The following GRM1 variants were observed in gnomAD, a reference collection of about 807,000 sequenced individuals.
GRM1 encodes glutamate metabotropic receptor 1, also known as metabotropic glutamate receptor 1.
GRM1 carries 33 observed loss-of-function variants against 90.9 expected under a neutral mutation model. The observed-to-expected ratio is 0.36, with a 90% CI of 0.28 to 0.49. The LOEUF is 0.49. Among genes scored for constraint, GRM1 ranks in the 20% least tolerant of loss-of-function variants. GRM1 has a pLI of 0.99. For synonymous variants in GRM1, 700 were observed against 613.2 expected, an observed-to-expected ratio of 1.14 and a Z score of -2.09; for missense variants, 1,190 against 1,534.3, an observed-to-expected ratio of 0.78 and a Z score of 3.75.
intron 1 of GRM1, among the ~76,000 whole-genome samples, chr6:146,124,006 G>C (rs1426689621): frequency 6.6e-6 from 1 of 152,098 alleles, no homozygotes; most frequent in Non-Finnish European, 1.5e-5. Context: ...CAGCATAGTC[G>C]AGTTTACAAA....
intron 2 of GRM1, among the ~76,000 whole-genome samples, chr6:146,263,253 G>A (rs904526749): frequency 2.0e-5 from 3 of 151,858 alleles, no homozygotes; most frequent in Non-Finnish European, 2.9e-5. Context: ...TTTTGTTACA[G>A]CCATAAAAAC....
At chr6:146,077,524 T>C (rs1331644) in intron 1 of GRM1, among the ~76,000 whole-genome samples, 57,954 of 151,986 alleles carry the variant, frequency 0.38, 11,627 homozygotes, top group Middle Eastern at 0.51. Flanking sequence ...CAGAGTGGTG[T>C]GGTAGAACAA....
chr6:146,357,159 G>A (rs1785615475), intron 4 of GRM1, among the ~76,000 whole-genome samples: 1 of 139,822 alleles, frequency 7.2e-6, no homozygotes, highest in South Asian at 2.4e-4. Context: ...AAAGAAATTT[G>A]GATTAATCAA....
intron 1 of GRM1, among the ~76,000 whole-genome samples, chr6:146,141,291 T>C (rs59542006): frequency 0.053 from 8,049 of 151,996 alleles, 705 homozygotes; most frequent in African/African-American, 0.18. Flanking sequence ...TTTTTTTTTT[T>C]TCTCTTGCTG....
At chr6:146,383,630 TG>T (rs759973178) in intron 5 of GRM1, among the ~76,000 whole-genome samples, 115 of 152,250 alleles carry the variant, frequency 7.6e-4, no homozygotes, top group Non-Finnish European at 5.1e-4. Flanking sequence ...CTTATACACT[TG>T]CTGAAAATAT....
intron 2 of GRM1, among the ~76,000 whole-genome samples, chr6:146,217,895 C>G (rs574879348): frequency 1.3e-5 from 2 of 152,240 alleles, no homozygotes; most frequent in African/African-American, 4.8e-5. Context: ...TGTTGTAAGG[C>G]AGATAGGCTG....
intron 1 of GRM1, among the ~76,000 whole-genome samples, chr6:146,099,214 C>T (rs1291312618): frequency 6.6e-6 from 1 of 152,116 alleles, no homozygotes; most frequent in Non-Finnish European, 1.5e-5. Context: ...CAGCAAAACC[C>T]TGTCTCTAGA....
At chr6:146,259,573 C>T (rs1781606010) in intron 2 of GRM1, among the ~76,000 whole-genome samples, 1 of 152,122 alleles carries the variant, frequency 6.6e-6, no homozygotes, top group Non-Finnish European at 1.5e-5. Context: ...TCTGTGATGG[C>T]TTATCTCACT....
At chr6:146,282,914 C>A (rs1490797749) in intron 2 of GRM1, among the ~76,000 whole-genome samples, 3 of 152,152 alleles carry the variant, frequency 2.0e-5, no homozygotes, top group African/African-American at 7.2e-5. Flanking sequence ...AGAAATATTG[C>A]ATAATCCCTG....
chr6:146,178,071 A>T (rs1778398361), intron 2 of GRM1, among the ~76,000 whole-genome samples: 1 of 152,174 alleles, frequency 6.6e-6, no homozygotes, highest in African/African-American at 2.4e-5. Context: ...TTATAACAAA[A>T]GTCTATGTTT....
intron 2 of GRM1, among the ~76,000 whole-genome samples, chr6:146,230,870 C>T (rs755271041): frequency 6.6e-6 from 1 of 151,948 alleles, no homozygotes; most frequent in African/African-American, 2.4e-5. Context: ...ATGAAGGAAA[C>T]GTAAGTGCAT....
Position 146,246,075 on chromosome 6 carries a change from A to G in GRM1, c.951-58536A>G, listed in dbSNP as rs116207011. On this transcript the variant is annotated intron_variant, in intron 2 of 7. Coordinates refer to ENST00000282753, the MANE Select transcript of GRM1 (RefSeq NM_001278064.2). ...TTAAATTCTACAAATATTAGAGTCA[A>G]CAACAACAAATGAACAGGGCTGTCT... 4.7e-3 allele frequency among the ~76,000 whole-genome samples: 723 copies of G among 152,338 alleles called. 6 individuals are homozygous for G. The highest frequency in any genetic ancestry group is 0.016 in the African/African-American group (677 of 41,594).
chr6:146,364,956 T>C (rs1775623734), intron 5 of GRM1: 1 of 152,180 alleles, frequency 6.6e-6, no homozygotes, highest in Admixed American at 6.6e-5. Context: ...TTTCCCTCTT[T>C]GTGAATCAAA....
intron 3 of GRM1, 49 bp downstream of exon 3, chr6:146,304,895 T>C (rs1243931361): frequency 1.6e-6 from 2 of 1,261,578 alleles, no homozygotes; most frequent in Non-Finnish European, 2.3e-6. Context: ...TCATCTCTTC[T>C]AGATTTATTG....
chr6:146,199,205 G>A (rs1001121828), intron 2 of GRM1, among the ~76,000 whole-genome samples: 1 of 152,188 alleles, frequency 6.6e-6, no homozygotes, highest in African/African-American at 2.4e-5. Context: ...AATTCTCTGA[G>A]GGGTTGTCTA....
intron 2 of GRM1, among the ~76,000 whole-genome samples, chr6:146,183,730 G>C (rs1778628269): frequency 6.6e-6 from 1 of 152,046 alleles, no homozygotes; most frequent in African/African-American, 2.4e-5. Context: ...CTGATTGCTT[G>C]GTTTTATGTT....
rs1485085231 is a variant in GRM1 at position 146,391,261 on chromosome 6, G to T, written c.1729+4245G>T. ...ACATTTGATTCAAAAATTAGAAGTA[G>T]CTACCAGTCCTCAGATCAGAGTTAT... is the stretch of plus-strand genomic sequence containing the variant. On this transcript the variant is annotated intron_variant, in intron 6 of 7. Coordinates refer to ENST00000282753, the MANE Select transcript of GRM1 (RefSeq NM_001278064.2). Among the ~76,000 whole-genome samples the T allele has an allele frequency of 2.6e-5, 4 of 151,958 alleles. No individual in the cohort carries two copies. The East Asian group carries it at 7.7e-4, about 29-fold the overall frequency.
intron 2 of GRM1, among the ~76,000 whole-genome samples, chr6:146,201,993 G>A (rs956479606): frequency 1.3e-5 from 2 of 152,184 alleles, no homozygotes; most frequent in African/African-American, 2.4e-5. Context: ...GACTTAGCAG[G>A]TTATTGTTAA....
intron 3 of GRM1, among the ~76,000 whole-genome samples, chr6:146,349,448 T>C (rs967841694): frequency 1.3e-5 from 2 of 152,140 alleles, no homozygotes; most frequent in Non-Finnish European, 2.9e-5. Flanking sequence ...AATATTTGCC[T>C]GATTCACTCC....
Sources: gnomAD v4.1 joint callset for allele counts (sites outside exome capture counted in the v4.1 genomes callset) on GRCh38, gnomAD v4.1.1 for gene constraint, MANE v1.5 for transcripts, NCBI Gene and HGNC (gene_info 2026-07-23, HGNC 2026-07-21) for gene names.